The following DCLK1 variants were observed in gnomAD, a reference collection of about 807,000 sequenced individuals.
DCLK1 encodes the protein doublecortin like kinase 1, also known as serine/threonine-protein kinase DCLK1.
DCLK1 carries 16 observed loss-of-function variants against 86.2 expected under a neutral mutation model. The observed-to-expected ratio is 0.19, with a 90% CI of 0.13 to 0.28. DCLK1 has a LOEUF of 0.28. Among genes scored for constraint, DCLK1 ranks in the 10% least tolerant of loss-of-function variants. DCLK1 has a pLI of 1.00. For missense variants in DCLK1, 590 were observed against 940.2 expected (o/e 0.63, Z 4.87); for synonymous variants, 369 against 370.5 (o/e 1.00, Z 0.05).
At chr13:36,107,101 C>CTTTATG (rs5802803) in intron 3 of DCLK1, among the ~76,000 whole-genome samples, 90,685 of 151,210 alleles carry the variant, frequency 0.6, 27,746 homozygotes, top group East Asian at 0.86. Flanking sequence ...ATCTTTTGAG[C>CTTTATG]TTTATAACAG....
At chr13:35,875,581 T>G (rs1872543094) in intron 4 of DCLK1, among the ~76,000 whole-genome samples, 1 of 152,222 alleles carries the variant, frequency 6.6e-6, no homozygotes, top group Admixed American at 6.5e-5. Flanking sequence ...GAAATGTAGG[T>G]ATTTCATTAA....
Position 35,770,162 on chromosome 13 carries a change from T to C in DCLK1, c.*4373A>G, listed in dbSNP as rs1006202255. On this transcript the variant is annotated 3_prime_UTR_variant, in exon 17 of 17. Transcript: ENST00000360631. ...CCTCCTCCTCTAGTGTGTAATTACA[T>C]ACAAACTAAAGATTCCTTCTGACGT... The C allele has an allele frequency of 1.3e-5, 2 of 152,226 alleles. No individual in the cohort carries two copies. Among genetic ancestry groups the C allele is most frequent in the Admixed American group, 6.5e-5 (1 of 15,288 alleles). The allele number at this position is 152,226 out of a possible 1,614,324, so 9.4% of individuals were successfully genotyped here. A position where few individuals can be genotyped will look rare whatever the true frequency, so the allele number is the denominator to read the frequency against.
intron 3 of DCLK1, among the ~76,000 whole-genome samples, chr13:36,090,273 A>G (rs1031742123): frequency 1.3e-5 from 2 of 152,242 alleles, no homozygotes; most frequent in Admixed American, 1.3e-4. Context: ...TAAGGCCTAC[A>G]GTCCGATAAG....
Position 36,131,356 on chromosome 13 carries a change from C to T in DCLK1, c.-262G>A. On this transcript the variant is annotated 5_prime_UTR_variant, in exon 1 of 17. Coordinates refer to ENST00000360631, the MANE Select transcript of DCLK1 (RefSeq NM_001330071.2). ...GGCGCTTCGCACAGCCTCACTCCAG[C>T]CTCTCTCTCCAGAGGAGGGCGGCGG... 1 of 181,050 alleles carries T rather than the reference C, an allele frequency of 5.5e-6. No individual in the cohort carries two copies. Among genetic ancestry groups the T allele is most frequent in the Non-Finnish European group, 1.1e-5 (1 of 89,100 alleles). 11.2% of individuals were successfully genotyped at this position (181,050 alleles called of 1,614,324 possible).
chr13:36,022,699 C>T (rs1881836055), intron 3 of DCLK1, among the ~76,000 whole-genome samples: 1 of 151,984 alleles, frequency 6.6e-6, no homozygotes, highest in Non-Finnish European at 1.5e-5. Context: ...AATATACAAA[C>T]TACCAAAGAA....
chr13:36,103,076 T>C (rs1003161958), intron 3 of DCLK1, among the ~76,000 whole-genome samples: 1 of 151,960 alleles, frequency 6.6e-6, no homozygotes, highest in Admixed American at 6.6e-5. Context: ...TTTGTTGTTG[T>C]TGTTATTGTT....
rs142117617 is a variant in DCLK1, at chr13:35,832,268, C to G, written c.1229+3765G>C. On this transcript the variant is annotated intron_variant, in intron 8 of 16. Coordinates refer to ENST00000360631, the MANE Select transcript of DCLK1 (RefSeq NM_001330071.2). ...TGAGCTATGATCTTGCCACTGCACT[C>G]CAGCCTGGGTGACACAGCAAGACCC... is the stretch of plus-strand genomic sequence containing the variant. 1.6e-3 allele frequency among the ~76,000 whole-genome samples: 244 copies of G among 152,248 alleles called. 1 individual carries two copies. The highest frequency in any genetic ancestry group is 5.7e-3 in the African/African-American group (235 of 41,538).
At chr13:35,982,068 T>C (rs1377882411) in intron 3 of DCLK1, among the ~76,000 whole-genome samples, 1 of 152,228 alleles carries the variant, frequency 6.6e-6, no homozygotes, top group Non-Finnish European at 1.5e-5. Context: ...TTGAGAGCTC[T>C]AATTATAAAA....
intron 5 of DCLK1, among the ~76,000 whole-genome samples, chr13:35,870,496 A>C (rs17786591): frequency 0.25 from 37,947 of 152,154 alleles, 4,800 homozygotes; most frequent in Admixed American, 0.33. Context: ...GTCTTCATGA[A>C]ATCAGGTAAC....
At chr13:35,802,123 C>T (rs539460084) in intron 15 of DCLK1, among the ~76,000 whole-genome samples, 1 of 152,116 alleles carries the variant, frequency 6.6e-6, no homozygotes, top group African/African-American at 2.4e-5. Context: ...AGGGCTGGCA[C>T]ACAGTGTCTC....
intron 10 of DCLK1, 78 bp from the exon 11 acceptor site, chr13:35,822,953 C>A (rs1224734700): frequency 2.6e-6 from 4 of 1,522,548 alleles, no homozygotes; most frequent in Non-Finnish European, 3.6e-6. Flanking sequence ...ATTGACAAAC[C>A]CCAAAGGACA....
At chr13:35,855,374 C>A in intron 5 of DCLK1, 1 of 711,900 alleles carries the variant, frequency 1.4e-6, no homozygotes, top group South Asian at 2.2e-5. Context: ...TGTATCAGGT[C>A]ACCTCTATTT....
chr13:35,876,732 C>T (rs1202281335), intron 4 of DCLK1, among the ~76,000 whole-genome samples: 2 of 152,182 alleles, frequency 1.3e-5, no homozygotes, highest in Non-Finnish European at 2.9e-5. Flanking sequence ...GCCTTCCATT[C>T]CCCCTCTCAC....
Position 35,959,854 on chromosome 13 carries a change from C to CGT in DCLK1, c.724-12399_724-12398dup, listed in dbSNP as rs67600362. Among the ~76,000 whole-genome samples the CGT allele has an allele frequency of 9.8e-3, 1,464 of 149,356 alleles. 9 individuals carry two copies. The highest frequency in any genetic ancestry group is 0.028 in the Middle Eastern group (8 of 290). On this transcript the variant is annotated intron_variant, in intron 3 of 16. Coordinates refer to ENST00000360631, the MANE Select transcript of DCLK1 (RefSeq NM_001330071.2). ...TCATGAAAAAACCAATACAGCAAGTCGTGTGTGTGTGTGTGTGTGTGTGTG... is the reference window on the plus strand; with the variant it reads ...TCATGAAAAAACCAATACAGCAAGTCGTGTGTGTGTGTGTGTGTGTGTGTGTG...
chr13:36,098,855 A>G (rs1885101519), intron 3 of DCLK1, among the ~76,000 whole-genome samples: 1 of 152,182 alleles, frequency 6.6e-6, no homozygotes, highest in South Asian at 2.1e-4. Flanking sequence ...GACATTTAGT[A>G]TTTATTTTAA....
chr13:36,106,205 A>G (rs1021143004), intron 3 of DCLK1, among the ~76,000 whole-genome samples: 11 of 119,078 alleles, frequency 9.2e-5, no homozygotes, highest in African/African-American at 4.2e-4. Context: ...GCTCAAAGTG[A>G]AAAAAAAAAG....
At chr13:35,988,917 C>T (rs1880072313) in intron 3 of DCLK1, among the ~76,000 whole-genome samples, 5 of 152,132 alleles carry the variant, frequency 3.3e-5, no homozygotes, top group Admixed American at 3.3e-4. Context: ...AAACAACTCA[C>T]AGGGTATCAT....
chr13:35,973,885 C>A (rs969770758), intron 3 of DCLK1, among the ~76,000 whole-genome samples: 5 of 152,028 alleles, frequency 3.3e-5, no homozygotes, highest in Non-Finnish European at 7.4e-5. Flanking sequence ...GAACCTGGAG[C>A]AGGGACAGAG....
intron 4 of DCLK1, among the ~76,000 whole-genome samples, chr13:35,873,602 T>C (rs1325239329): frequency 6.6e-6 from 1 of 151,912 alleles, no homozygotes; most frequent in Non-Finnish European, 1.5e-5. Context: ...GCCAGGCTGG[T>C]TTCAAACTCC....
Sources: gnomAD v4.1 joint callset for allele counts (sites outside exome capture counted in the v4.1 genomes callset) on GRCh38, gnomAD v4.1.1 for gene constraint, MANE v1.5 for transcripts, NCBI Gene and HGNC (gene_info 2026-07-23, HGNC 2026-07-21) for gene names.